The following PPP6R2 variants were observed in gnomAD, a reference collection of about 807,000 sequenced individuals.
The protein encoded by PPP6R2 is protein phosphatase 6 regulatory subunit 2, also known as serine/threonine-protein phosphatase 6 regulatory subunit 2.
Under a neutral mutation model 100.2 loss-of-function variants are expected in PPP6R2, and 62 were observed. That is an observed-to-expected ratio of 0.62 (90% CI 0.50 to 0.76). The LOEUF (loss-of-function observed/expected upper bound fraction) is 0.76, where lower values mean the gene tolerates loss of function less well. PPP6R2 is among the 30% of genes least tolerant of loss of function. The pLI, the probability that PPP6R2 is intolerant of heterozygous loss-of-function variation, is 0.00. For missense variants in PPP6R2, 1,142 were observed against 1,276.3 expected, an observed-to-expected ratio of 0.89 and a Z score of 1.60; for synonymous variants, 525 against 514.7, an observed-to-expected ratio of 1.02 and a Z score of -0.27.
At chr22:50,339,769 T>TA (rs2042349065), upstream of PPP6R2, among the ~76,000 whole-genome samples, 1 of 122,236 alleles carries the variant, frequency 8.2e-6, no homozygotes, top group African/African-American at 3.7e-5. Flanking sequence ...GTGGTGTGTG[T>TA]GGTATGTGGT....
intron 15 of PPP6R2, 95 bp downstream of exon 15, chr22:50,437,163 C>T: frequency 8.1e-7 from 1 of 1,239,886 alleles, no homozygotes; most frequent in Non-Finnish European, 1.2e-6. Flanking sequence ...TGGCATCTCA[C>T]TAGCAAAGGG....
intron 10 of PPP6R2, among the ~76,000 whole-genome samples, chr22:50,429,072 C>T (rs2062687763): frequency 6.6e-6 from 1 of 151,804 alleles, no homozygotes; most frequent in South Asian, 2.1e-4. Context: ...CTCTTGTTGC[C>T]CAGGCTGGAG....
chr22:50,439,883 G>A, intron 20 of PPP6R2, 26 bp downstream of exon 20: 5 of 1,608,784 alleles, frequency 3.1e-6, no homozygotes, highest in Non-Finnish European at 4.3e-6. Context: ...GCAGGAGGGG[G>A]CTGTGCCAGG....
chr22:50,331,175 T>A, the PPP6R2 span, among the ~76,000 whole-genome samples: 1 of 152,170 alleles, frequency 6.6e-6, no homozygotes, highest in East Asian at 1.9e-4. Context: ...GTGAATAGTA[T>A]TTTATATGAT....
chr22:50,351,521 T>C (rs1261151369), intron 1 of PPP6R2, among the ~76,000 whole-genome samples: 1 of 151,716 alleles, frequency 6.6e-6, no homozygotes, highest in Non-Finnish European at 1.5e-5. Flanking sequence ...GAAGACTGTT[T>C]CATCTGTATT....
chr22:50,381,084 A>G lies in PPP6R2; in HGVS notation c.-17+8934A>G, dbSNP rs2052808157. ...AGCCAAGATCACGCCATTGCACTCC[A>G]GCCTGGGTGACAGGAATGAAACTTT... On this transcript the variant is annotated intron_variant, in intron 2 of 23. Coordinates refer to ENST00000612753, the MANE Select transcript of PPP6R2 (RefSeq NM_001242898.2). Among the ~76,000 whole-genome samples, 3 of 149,302 alleles carry G rather than the reference A, an allele frequency of 2.0e-5. No homozygotes were observed. In the Admixed American group the frequency reaches 2.0e-4, roughly 10 times the overall value.
chr22:50,353,566 G>T (rs1165778455), intron 1 of PPP6R2, among the ~76,000 whole-genome samples: 1 of 152,150 alleles, frequency 6.6e-6, no homozygotes, highest in African/African-American at 2.4e-5. Flanking sequence ...TTACCAGAAT[G>T]CAACACAGAG....
chr22:50,425,223 G>A (rs1326747722), intron 10 of PPP6R2, among the ~76,000 whole-genome samples: 1 of 152,146 alleles, frequency 6.6e-6, no homozygotes, highest in Non-Finnish European at 1.5e-5. Flanking sequence ...ACTATTCTAG[G>A]TACAGTTTAT....
chr22:50,398,208 G>A (rs1161172357), intron 3 of PPP6R2, among the ~76,000 whole-genome samples: 4 of 139,066 alleles, frequency 2.9e-5, no homozygotes, highest in Non-Finnish European at 4.6e-5. Context: ...GTCTCACTCT[G>A]TCGCCCAGGC....
At chr22:50,442,552 T>TTTG (rs2065912316) in intron 22 of PPP6R2, among the ~76,000 whole-genome samples, 2 of 151,206 alleles carry the variant, frequency 1.3e-5, no homozygotes, top group East Asian at 2.0e-4. Context: ...TCACTGAAAT[T>TTTG]TTTGTTTGTT....
intron 3 of PPP6R2, among the ~76,000 whole-genome samples, chr22:50,399,348 A>G (rs1464393527): frequency 6.6e-6 from 1 of 152,260 alleles, no homozygotes; most frequent in Non-Finnish European, 1.5e-5. Context: ...AAGTTGTAGC[A>G]TGAAAGCAGC....
At chr22:50,335,090 CG>C in the PPP6R2 span, among the ~76,000 whole-genome samples, 36 of 151,954 alleles carry the variant, frequency 2.4e-4, no homozygotes, top group Non-Finnish European at 3.5e-4. Flanking sequence ...CTCGCTCTGT[CG>C]CCCAGGCTGG....
At chr22:50,398,247 C>G (rs1376907597) in intron 3 of PPP6R2, among the ~76,000 whole-genome samples, 1 of 150,420 alleles carries the variant, frequency 6.6e-6, no homozygotes, top group East Asian at 2.0e-4. Flanking sequence ...TCTCGGTTCA[C>G]TACAACCTCC....
chr22:50,438,150 T>A (rs1241513574), intron 17 of PPP6R2, 24 bp from the exon 18 acceptor site: 1 of 1,600,258 alleles, frequency 6.2e-7, no homozygotes, highest in Non-Finnish European at 8.5e-7. Flanking sequence ...CTCTGGAAAC[T>A]CACCTTGGCG....
chr22:50,381,323 CACACGGGCCTCACCTCAGCAT>C (rs2052927951), intron 2 of PPP6R2, among the ~76,000 whole-genome samples: 4 of 87,916 alleles, frequency 4.5e-5, no homozygotes, highest in African/African-American at 1.6e-4. Flanking sequence ...ACCTCAGCAT[CACACGGGCCTCACCTCAGCAT>C]CACACGGGCC....
chr22:50,347,410 T>C (rs1355282710), intron 1 of PPP6R2, among the ~76,000 whole-genome samples: 2 of 151,900 alleles, frequency 1.3e-5, no homozygotes. Flanking sequence ...CCTGTCGCGC[T>C]CCCCATCACG....
At chr22:50,375,070 C>T (rs1023541838) in intron 2 of PPP6R2, among the ~76,000 whole-genome samples, 1 of 152,070 alleles carries the variant, frequency 6.6e-6, no homozygotes, top group Admixed American at 6.6e-5. Context: ...GATGTCTCAG[C>T]AGCATGAATG....
chr22:50,433,381 C>T (rs541084042), intron 12 of PPP6R2, among the ~76,000 whole-genome samples: 2 of 78,304 alleles, frequency 2.6e-5, no homozygotes, highest in South Asian at 1.1e-3. Flanking sequence ...AGGGGCCGGG[C>T]ATTTGCTCTG....
chr22:50,386,157 T>G lies in PPP6R2; in HGVS notation c.-16-7736T>G, dbSNP rs182414234. On this transcript the variant is annotated intron_variant, in intron 2 of 23. Transcript: ENST00000612753. ...TTTTTGTTTTGTTTTGTTTTGTTTT[T>G]TTTGAGATGGAGTCTTGCTCTGTCT... 6.2e-3 allele frequency among the ~76,000 whole-genome samples: 917 copies of G among 148,652 alleles called. 3 individuals are homozygous for G. Among genetic ancestry groups the G allele is most frequent in the Non-Finnish European group, 0.011 (715 of 67,194 alleles).
Sources: gnomAD v4.1 joint callset for allele counts (sites outside exome capture counted in the v4.1 genomes callset) on GRCh38, gnomAD v4.1.1 for gene constraint, MANE v1.5 for transcripts, NCBI Gene and HGNC (gene_info 2026-07-23, HGNC 2026-07-21) for gene names.